The following FAM124A variants were observed in gnomAD, a reference collection of about 807,000 sequenced individuals.
FAM124A encodes family with sequence similarity 124 member A, also known as protein FAM124A.
FAM124A carries 23 observed loss-of-function variants against 24.5 expected under a neutral mutation model. The ratio of observed to expected loss-of-function variants is 0.94; its 90% confidence interval spans 0.68 to 1.33. FAM124A has a LOEUF of 1.33. FAM124A is among the 40% of genes most tolerant of loss of function. The pLI is 0.00. For synonymous variants in FAM124A, 287 were observed against 314.7 expected (o/e 0.91, Z 0.93); for missense variants, 623 against 722.8 (o/e 0.86, Z 1.58).
At chr13:51,261,544 A>G (rs900776930) in intron 3 of FAM124A, among the ~76,000 whole-genome samples, 2 of 129,888 alleles carry the variant, frequency 1.5e-5, no homozygotes, top group African/African-American at 6.8e-5. Flanking sequence ...TTCTTTTAGG[A>G]AAAAAGAAGT....
At chr13:51,237,130 A>G (rs188312829) in intron 2 of FAM124A, among the ~76,000 whole-genome samples, 341 of 152,292 alleles carry the variant, frequency 2.2e-3, no homozygotes, top group African/African-American at 7.8e-3. Context: ...CTAAATTAGA[A>G]TGTAGTCTCT....
Position 51,280,774 on chromosome 13 carries a change from GC to G in FAM124A, c.1163del (p.Pro388GlnfsTer19), listed in dbSNP as rs1954928682. On this transcript the variant is annotated frameshift_variant, in exon 4 of 4. Coordinates refer to ENST00000322475, the MANE Select transcript of FAM124A (RefSeq NM_001242312.2). LOFTEE classifies it low-confidence loss of function (END_TRUNC). Reference protein sequence around the residue: ...AEPQWFSNTGAPGHRASEWRH... With the variant: ...AEPQWFSNTGXPGHRASEWRH... ...ACCACAGTGGTTTTCAAACACAGGT[GC>G]CCCAGGGCACAGGGCATCAGAGTGG... is the stretch of plus-strand genomic sequence containing the variant. 6.2e-7 allele frequency: 1 copy of G among 1,614,196 alleles called. No individual in the cohort carries two copies. The highest frequency in any genetic ancestry group is 1.1e-5 in the South Asian group (1 of 91,076).
At chr13:51,274,515 AT>A (rs1954867884) in intron 3 of FAM124A, among the ~76,000 whole-genome samples, 1 of 152,232 alleles carries the variant, frequency 6.6e-6, no homozygotes, top group East Asian at 1.9e-4. Context: ...CTACTCAGAT[AT>A]TTTTTTATTT....
chr13:51,274,071 G>A (rs185738759), intron 3 of FAM124A, among the ~76,000 whole-genome samples: 6 of 152,290 alleles, frequency 3.9e-5, no homozygotes, highest in South Asian at 4.2e-4. Flanking sequence ...CGCTAGCTCC[G>A]GGTCCTCAGC....
Position 51,281,440 on chromosome 13 carries a change from T to C in FAM124A, c.*184T>C, listed in dbSNP as rs912599802. On this transcript the variant is annotated 3_prime_UTR_variant, in exon 4 of 4. Coordinates refer to ENST00000322475, the MANE Select transcript of FAM124A (RefSeq NM_001242312.2). ...TATCTCTAGAGACACAGCAGAAAAA[T>C]ACTGGCATTTTTATGCAAATAAATT... 2.0e-6 allele frequency: 1 copy of C among 496,110 alleles called. No individual in the cohort carries two copies. The highest frequency in any genetic ancestry group is 3.4e-6 in the Non-Finnish European group (1 of 290,228). 30.7% of individuals were successfully genotyped at this position (496,110 alleles called of 1,614,324 possible).
intron 2 of FAM124A, among the ~76,000 whole-genome samples, chr13:51,233,787 A>G (rs1954405122): frequency 6.6e-6 from 1 of 152,268 alleles, no homozygotes; most frequent in Non-Finnish European, 1.5e-5. Context: ...CAATGCTACA[A>G]TAAGAAAAAA....
At chr13:51,231,666 C>A (rs7325193) in intron 2 of FAM124A, among the ~76,000 whole-genome samples, 1 of 152,100 alleles carries the variant, frequency 6.6e-6, no homozygotes, top group Non-Finnish European at 1.5e-5. Context: ...TTTCATTGAA[C>A]AAACATCTAT....
At chr13:51,264,319 T>C (rs1954764514) in intron 3 of FAM124A, among the ~76,000 whole-genome samples, 1 of 152,238 alleles carries the variant, frequency 6.6e-6, no homozygotes, top group Non-Finnish European at 1.5e-5. Flanking sequence ...TCCATTATCC[T>C]GTAGGATTCC....
At chr13:51,242,177 A>G (rs1263221079) in intron 2 of FAM124A, among the ~76,000 whole-genome samples, 3 of 152,178 alleles carry the variant, frequency 2.0e-5, no homozygotes, top group African/African-American at 7.2e-5. Flanking sequence ...CTGCTCTGTC[A>G]TCTCTGGATC....
At chr13:51,262,276 A>G (rs1293889180) in intron 3 of FAM124A, among the ~76,000 whole-genome samples, 1 of 152,192 alleles carries the variant, frequency 6.6e-6, no homozygotes, top group Non-Finnish European at 1.5e-5. Flanking sequence ...GTTAGTAGTT[A>G]TTTTGTGTTA....
At chr13:51,230,075 T>TTATATATATATATA (rs5803560) in intron 1 of FAM124A, among the ~76,000 whole-genome samples, 20 of 151,018 alleles carry the variant, frequency 1.3e-4, no homozygotes, top group South Asian at 4.2e-4. Context: ...AAATATTGAA[T>TTATATATATATATA]TATATATATA....
chr13:51,278,191 G>A (rs1954902217), intron 3 of FAM124A, among the ~76,000 whole-genome samples: 1 of 152,206 alleles, frequency 6.6e-6, no homozygotes, highest in Non-Finnish European at 1.5e-5. Context: ...GCCTCCAAGA[G>A]CTGAAAGCCA....
In FAM124A at chr13:51,283,114, TC is replaced by T. The variant is rs1318704266; in HGVS notation, c.*1859del. The T allele has an allele frequency of 6.6e-6, 1 of 152,240 alleles. No individual in the cohort carries two copies. Among genetic ancestry groups the T allele is most frequent in the Non-Finnish European group, 1.5e-5 (1 of 68,120 alleles). The allele number at this position is 152,240 out of a possible 1,614,324, so 9.4% of individuals were successfully genotyped here. ...TGGAGTGCAATGGCGCAATCTCAGC[TC>T]ACTGCAAGCTCTGCCTCCTGGGTTC... On this transcript the variant is annotated 3_prime_UTR_variant, in exon 4 of 4. Coordinates refer to ENST00000322475, the MANE Select transcript of FAM124A (RefSeq NM_001242312.2).
Position 51,251,856 on chromosome 13 carries a change from G to GC in FAM124A, c.492dup (p.Val165ArgfsTer21). 6.2e-7 allele frequency: 1 copy of GC among 1,612,822 alleles called. No individual in the cohort carries two copies. The highest frequency in any genetic ancestry group is 8.5e-7 in the Non-Finnish European group (1 of 1,179,532). Reference sequence around the variant, plus strand: ...CTGGGACGCCGCTTTGGGCCATCCGGCCCGTGCACTACGGCAAGGAAATCG... The same window carrying GC: ...CTGGGACGCCGCTTTGGGCCATCCGGCCCCGTGCACTACGGCAAGGAAATCG... On this transcript the variant is annotated frameshift_variant, in exon 3 of 4. Transcript: ENST00000322475. LOFTEE classifies it high-confidence loss of function. The surrounding 1 kb of genome is among the most constrained non-coding windows in gnomAD (Gnocchi z 5.3).
intron 3 of FAM124A, among the ~76,000 whole-genome samples, chr13:51,259,162 C>T (rs1954706171): frequency 6.6e-6 from 1 of 152,172 alleles, no homozygotes; most frequent in South Asian, 2.1e-4. Context: ...GCTTGCAGAA[C>T]CCAGCCACTT....
chr13:51,233,464 G>T (rs186793324), intron 2 of FAM124A, among the ~76,000 whole-genome samples: 94 of 151,428 alleles, frequency 6.2e-4, no homozygotes, highest in African/African-American at 2.1e-3. Flanking sequence ...TTACAAGGGA[G>T]TCTGAAAAAT....
At position 51,282,958 on chromosome 13, in the gene FAM124A, C is replaced by T. The variant is rs1274695156; in HGVS notation, c.*1702C>T. 1.3e-5 allele frequency: 2 copies of T among 150,222 alleles called. No individual in the cohort carries two copies. Among genetic ancestry groups the T allele is most frequent in the African/African-American group, 5.0e-5 (2 of 40,242 alleles). The allele number at this position is 150,222 out of a possible 1,614,324, so 9.3% of individuals were successfully genotyped here. A position where few individuals can be genotyped will look rare whatever the true frequency, so the allele number is the denominator to read the frequency against. ...GCTTTGCCAGTCATATGGTCTCTTG[C>T]AGCTACTCAACTCTGCCACTGTAGT... On this transcript the variant is annotated 3_prime_UTR_variant, in exon 4 of 4. Transcript: ENST00000322475.
chr13:51,253,220 G>A (rs1431973752), intron 3 of FAM124A: 2 of 152,210 alleles, frequency 1.3e-5, no homozygotes, highest in Admixed American at 1.3e-4. Flanking sequence ...TTGAATCACA[G>A]GTAAAGTTTC....
At chr13:51,273,968 C>T (rs979971257) in intron 3 of FAM124A, among the ~76,000 whole-genome samples, 2 of 152,266 alleles carry the variant, frequency 1.3e-5, no homozygotes, top group Admixed American at 6.5e-5. Context: ...AATAAATATT[C>T]GGGGAAAGAT....
Sources: gnomAD v4.1 joint callset for allele counts (sites outside exome capture counted in the v4.1 genomes callset) on GRCh38, gnomAD v4.1.1 for gene constraint, Gnocchi (gnomAD v3.1) non-coding constraint, MANE v1.5 for transcripts, NCBI Gene and HGNC (gene_info 2026-07-23, HGNC 2026-07-21) for gene names.